The following TBC1D32 variants were observed in gnomAD, a reference collection of about 807,000 sequenced individuals.
TBC1D32 encodes the protein protein broad-minded.
TBC1D32 carries 151 observed loss-of-function variants against 170.3 expected under a neutral mutation model. The observed-to-expected ratio is 0.89, with a 90% confidence interval of 0.78 to 1.01. TBC1D32 has a LOEUF of 1.01. Ranked by LOEUF, TBC1D32 falls within the 50% of genes least tolerant of loss-of-function variation. The pLI, the probability that TBC1D32 is intolerant of heterozygous loss-of-function variation, is 0.00. For synonymous variants in TBC1D32, 498 were observed against 488.0 expected, an observed-to-expected ratio of 1.02 and a Z score of -0.27; for missense variants, 1,464 against 1,457.1, an observed-to-expected ratio of 1.00 and a Z score of -0.08.
chr6:121,329,128 A>G (rs1810862886), intron 1 of TBC1D32, among the ~76,000 whole-genome samples: 1 of 152,228 alleles, frequency 6.6e-6, no homozygotes, highest in Non-Finnish European at 1.5e-5. Context: ...TTACATTGAA[A>G]AACTTTACCA....
At chr6:121,315,852 G>A (rs974551262) in intron 3 of TBC1D32, among the ~76,000 whole-genome samples, 2 of 152,098 alleles carry the variant, frequency 1.3e-5, no homozygotes, top group African/African-American at 4.8e-5. Flanking sequence ...TGGACATACT[G>A]AAACAGCTTT....
chr6:121,155,933 T>A (rs2651526), intron 24 of TBC1D32, among the ~76,000 whole-genome samples: 25,558 of 151,902 alleles, frequency 0.17, 2,763 homozygotes, highest in African/African-American at 0.27. Context: ...TTTGCTGAAA[T>A]TTTTTTTGCC....
intron 15 of TBC1D32, among the ~76,000 whole-genome samples, chr6:121,271,529 T>C (rs1349893877): frequency 1.3e-5 from 2 of 152,038 alleles, no homozygotes; most frequent in Non-Finnish European, 2.9e-5. Context: ...TCAAAGAGAA[T>C]AAAATACCTA....
intron 26 of TBC1D32, among the ~76,000 whole-genome samples, chr6:121,117,944 G>A (rs1352531561): frequency 1.3e-5 from 2 of 151,864 alleles, no homozygotes; most frequent in African/African-American, 2.4e-5. Context: ...TAAAATCGAT[G>A]GGGAAAAATG....
In TBC1D32 at chr6:121,079,992, G is replaced by A. The variant is rs1221137718; in HGVS notation, c.*779C>T. ...CAACAGTTTTCCTACCACTTGCCAT[G>A]GTAAATAGTATCATTGTTCTTCCAC... On this transcript the variant is annotated 3_prime_UTR_variant, in exon 32 of 32. Coordinates refer to ENST00000398212, the MANE Select transcript of TBC1D32 (RefSeq NM_152730.6). The A allele has an allele frequency of 6.6e-6, 1 of 152,056 alleles. No homozygotes were observed. Among genetic ancestry groups the A allele is most frequent in the African/African-American group, 2.4e-5 (1 of 41,398 alleles). 9.4% of individuals were successfully genotyped at this position (152,056 alleles called of 1,614,324 possible). A position where few individuals can be genotyped will look rare whatever the true frequency, so the allele number is the denominator to read the frequency against.
intron 22 of TBC1D32, among the ~76,000 whole-genome samples, chr6:121,176,213 AG>A (rs1436586682): frequency 6.6e-6 from 1 of 152,198 alleles, no homozygotes; most frequent in East Asian, 1.9e-4. Context: ...TAACGTGGTC[AG>A]GAAAGAGCTC....
At chr6:121,199,203 C>T (rs1791218199) in intron 22 of TBC1D32, among the ~76,000 whole-genome samples, 1 of 150,970 alleles carries the variant, frequency 6.6e-6, no homozygotes, top group South Asian at 2.1e-4. Flanking sequence ...AGATATTTAT[C>T]CATAGATATT....
At chr6:121,237,725 A>G (rs1351684714) in intron 20 of TBC1D32, among the ~76,000 whole-genome samples, 1 of 150,872 alleles carries the variant, frequency 6.6e-6, no homozygotes, top group Non-Finnish European at 1.5e-5. Context: ...TTATTTCTCT[A>G]CTCTGATTTC....
chr6:121,334,380 C>T lies in TBC1D32; in HGVS notation c.51G>A (p.Arg17=). The T allele has an allele frequency of 6.2e-7, 1 of 1,614,252 alleles. No individual in the cohort carries two copies. Among genetic ancestry groups the T allele is most frequent in the Non-Finnish European group, 8.5e-7 (1 of 1,180,042 alleles). Residue 17 remains arginine (R), a synonymous_variant, in exon 1 of 32, where the codon AGG becomes AGA. Transcript: ENST00000398212. ...TCTCCTTCACGCTCTGGAACAACCG[C>T]CTCAGCATCGCCTGCAGCATCGCCT... ...EDQAMLQAML[R]RLFQSVKEKI... is the part of the protein sequence containing the mutation.
intron 22 of TBC1D32, among the ~76,000 whole-genome samples, chr6:121,173,873 A>T (rs545587766): frequency 3.3e-5 from 5 of 151,932 alleles, no homozygotes; most frequent in Non-Finnish European, 7.4e-5. Flanking sequence ...GAAAAAGCTC[A>T]CATCTCTCCA....
intron 27 of TBC1D32, among the ~76,000 whole-genome samples, 187 bp from the exon 28 acceptor site, chr6:121,113,364 G>A (rs1779380987): frequency 6.6e-6 from 1 of 152,186 alleles, no homozygotes; most frequent in Non-Finnish European, 1.5e-5. Context: ...TAACTTTAAA[G>A]GAAGATGAAA....
chr6:121,116,582 T>C (rs1779708369), intron 26 of TBC1D32, among the ~76,000 whole-genome samples: 1 of 152,194 alleles, frequency 6.6e-6, no homozygotes, highest in Non-Finnish European at 1.5e-5. Flanking sequence ...ATCTTACTGG[T>C]AAAGGATGAG....
At chr6:121,218,132 A>G (rs938358931) in intron 21 of TBC1D32, among the ~76,000 whole-genome samples, 1 of 152,190 alleles carries the variant, frequency 6.6e-6, no homozygotes, top group Non-Finnish European at 1.5e-5. Flanking sequence ...AACTGAAGCC[A>G]CTGAATTGGA....
intron 21 of TBC1D32, among the ~76,000 whole-genome samples, chr6:121,211,994 AAC>A (rs66924686): frequency 0.032 from 4,781 of 148,510 alleles, 149 homozygotes; most frequent in Admixed American, 0.11. Flanking sequence ...GAACAAACAC[AAC>A]ACACACACAC....
intron 22 of TBC1D32, among the ~76,000 whole-genome samples, chr6:121,203,310 T>C (rs891469777): frequency 5.3e-5 from 8 of 151,386 alleles, no homozygotes; most frequent in Non-Finnish European, 1.0e-4. Context: ...CAAAACTACA[T>C]TTGTGTAAGA....
chr6:121,182,326 T>G (rs1435717052), intron 22 of TBC1D32, among the ~76,000 whole-genome samples: 3 of 152,000 alleles, frequency 2.0e-5, no homozygotes, highest in Non-Finnish European at 4.4e-5. Context: ...AAAACTGAAG[T>G]GTTATGCTAG....
chr6:121,162,587 C>A (rs922132721), intron 22 of TBC1D32, among the ~76,000 whole-genome samples: 1 of 152,072 alleles, frequency 6.6e-6, no homozygotes, highest in Non-Finnish European at 1.5e-5. Context: ...CAAGTGCATT[C>A]AAACAGAAAG....
chr6:121,259,221 C>T (rs1473707687), intron 15 of TBC1D32, among the ~76,000 whole-genome samples: 1 of 151,948 alleles, frequency 6.6e-6, no homozygotes, highest in East Asian at 1.9e-4. Context: ...TCGCTTGAAC[C>T]CAGGAGGTGG....
chr6:121,289,240 G>T (rs1328217063), intron 12 of TBC1D32, among the ~76,000 whole-genome samples: 2 of 152,168 alleles, frequency 1.3e-5, no homozygotes, highest in East Asian at 3.9e-4. Context: ...AGACATGATT[G>T]TATATCTAGA....
Sources: allele counts gnomAD v4.1 joint callset (sites outside exome capture counted in the v4.1 genomes callset), GRCh38; gene constraint gnomAD v4.1.1; transcripts MANE v1.5; gene names NCBI Gene and HGNC (gene_info 2026-07-23, HGNC 2026-07-21).